The following ATIC variants were observed in gnomAD, a reference collection of about 807,000 sequenced individuals.
ATIC encodes 5-aminoimidazole-4-carboxamide ribonucleotide formyltransferase/IMP cyclohydrolase.
In ATIC, 64 loss-of-function variants were observed where a neutral mutation model predicts 72.5. The ratio of observed to expected loss-of-function variants is 0.88; its 90% CI spans 0.72 to 1.09. The LOEUF (loss-of-function observed/expected upper bound fraction) is 1.09. Ranked by LOEUF, ATIC falls within the 50% of genes least tolerant of loss-of-function variation. ATIC has a pLI of 0.00. For missense variants in ATIC, 787 were observed against 732.4 expected, an observed-to-expected ratio of 1.07 and a Z score of -0.86; for synonymous variants, 281 against 267.1, an observed-to-expected ratio of 1.05 and a Z score of -0.51.
At chr2:215,347,305 G>A in intron 14 of ATIC, 1 of 377,878 alleles carries the variant, frequency 2.6e-6, no homozygotes, top group Non-Finnish European at 5.1e-6. Context: ...GCTGTCCGAT[G>A]GGTCTGTATT....
At chr2:215,326,195 G>T in intron 6 of ATIC, 57 bp downstream of exon 6, 1 of 1,604,752 alleles carries the variant, frequency 6.2e-7, no homozygotes, top group South Asian at 1.1e-5. Flanking sequence ...GTGTTTGCCA[G>T]ACCAAGCAGT....
At chr2:215,313,910 C>G (rs965419842) in intron 2 of ATIC, among the ~76,000 whole-genome samples, 2 of 152,176 alleles carry the variant, frequency 1.3e-5, no homozygotes, top group Non-Finnish European at 2.9e-5. Flanking sequence ...AAGTCCAGAC[C>G]TGCGTGCTTT....
At chr2:215,352,449 G>T (rs1006685598), downstream of ATIC, among the ~76,000 whole-genome samples, 5 of 152,074 alleles carry the variant, frequency 3.3e-5, no homozygotes, top group Non-Finnish European at 5.9e-5. Context: ...AGGTGTGGTG[G>T]TGTCTGCCTG....
At chr2:215,321,175 A>G (rs1236489880) in intron 4 of ATIC, among the ~76,000 whole-genome samples, 5 of 152,184 alleles carry the variant, frequency 3.3e-5, no homozygotes, top group Non-Finnish European at 5.9e-5. Flanking sequence ...GCAACCACCA[A>G]TTGTTACGTG....
At position 215,346,310 on chromosome 2, in the gene ATIC, C is replaced by T. The variant is rs148648657; in HGVS notation, c.1321-449C>T. Among the ~76,000 whole-genome samples, 914 of 152,056 alleles carry T rather than the reference C, an allele frequency of 6.0e-3. 3 individuals carry two copies. The highest frequency in any genetic ancestry group is 9.3e-3 in the Non-Finnish European group (635 of 67,972). On this transcript the variant is annotated intron_variant, in intron 13 of 15. Transcript: ENST00000236959. ...CTGAGTAGCTGGGACTGCAGGTGTG[C>T]GCCACTACCCCTAGCTATTTTTTAA...
At chr2:215,338,992 T>C (rs1282558244) in intron 12 of ATIC, 85 bp downstream of exon 12, 1 of 1,575,738 alleles carries the variant, frequency 6.3e-7, no homozygotes, top group African/African-American at 1.3e-5. Context: ...TTTATTAAGG[T>C]CTGGATTTGG....
At chr2:215,358,597 A>G in the ATIC span, among the ~76,000 whole-genome samples, 12 of 152,238 alleles carry the variant, frequency 7.9e-5, no homozygotes, top group African/African-American at 1.9e-4. Flanking sequence ...ACAAAACTCT[A>G]TACTATGCTA....
rs768737323 is a variant in ATIC, at chr2:215,327,027, G to C, written c.688+49G>C. 5.0e-6 allele frequency: 8 copies of C among 1,611,176 alleles called. No individual in the cohort carries two copies. The South Asian group carries it at 6.6e-5, about 13-fold the overall frequency. ...ATGGTTTGCTGTGCCTGGAGAGTGT[G>C]TGTTTCTCTGTATTGCATCTGATGT... On this transcript the variant is annotated intron_variant, in intron 7 of 15. Coordinates refer to ENST00000236959, the MANE Select transcript of ATIC (RefSeq NM_004044.7).
Position 215,312,517 on chromosome 2 carries a change from C to G in ATIC, c.39C>G (p.Asp13Glu), listed in dbSNP as rs770911302. The G allele has an allele frequency of 1.2e-6, 2 of 1,614,202 alleles. No homozygotes were observed. Among genetic ancestry groups the G allele is most frequent in the South Asian group, 2.2e-5 (2 of 91,084 alleles). ...PGQLALFSVS[D>E]KTGLVEFARN... ...TTTCAGCCTTATTTAGTGTCTCTGA[C>G]AAAACCGGCCTTGTGGAATTTGCAA... The change falls in exon 2 of 16, where the codon GAC becomes GAG. Residue 13 changes from aspartate (D) to glutamate (E), a missense_variant. By Grantham distance (45) the Asp-to-Glu change is conservative. Coordinates refer to ENST00000236959, the MANE Select transcript of ATIC (RefSeq NM_004044.7).
chr2:215,342,164 C>T (rs1298392663), intron 12 of ATIC, among the ~76,000 whole-genome samples: 1 of 152,116 alleles, frequency 6.6e-6, no homozygotes, highest in Non-Finnish European at 1.5e-5. Flanking sequence ...ACAGCCAAAC[C>T]GTATCACCAA....
the ATIC span, chr2:215,363,760 T>TTCTA: frequency 6.6e-6 from 1 of 151,978 alleles, no homozygotes; most frequent in Non-Finnish European, 1.5e-5. Flanking sequence ...ATTCCATTGC[T>TTCTA]TTTGAGTTAC....
chr2:215,321,433 C>G (rs2052765893), intron 4 of ATIC, among the ~76,000 whole-genome samples: 2 of 152,178 alleles, frequency 1.3e-5, no homozygotes, highest in African/African-American at 4.8e-5. Context: ...AATAATGCAG[C>G]TATAAATATT....
At chr2:215,368,296 A>G in the ATIC span, among the ~76,000 whole-genome samples, 1 of 152,176 alleles carries the variant, frequency 6.6e-6, no homozygotes, top group African/African-American at 2.4e-5. Flanking sequence ...AAACTACTTC[A>G]TAGAACATGG....
At chr2:215,328,688 A>G (rs1353045139) in intron 7 of ATIC, among the ~76,000 whole-genome samples, 1 of 147,746 alleles carries the variant, frequency 6.8e-6, no homozygotes, top group Non-Finnish European at 1.5e-5. Flanking sequence ...ATCTGTTCAA[A>G]TTGTCTTCCC....
At chr2:215,354,302 T>C (rs546656364), downstream of ATIC, among the ~76,000 whole-genome samples, 1 of 152,338 alleles carries the variant, frequency 6.6e-6, no homozygotes, top group South Asian at 2.1e-4. Context: ...AGTGCTGGGA[T>C]TACAGGTGTG....
chr2:215,358,149 T>G, the ATIC span, among the ~76,000 whole-genome samples: 1 of 152,236 alleles, frequency 6.6e-6, no homozygotes, highest in Non-Finnish European at 1.5e-5. Context: ...TGTATAGTGA[T>G]GTTATTATAC....
chr2:215,328,349 A>G (rs2052852305), intron 7 of ATIC, among the ~76,000 whole-genome samples: 2 of 152,086 alleles, frequency 1.3e-5, no homozygotes, highest in African/African-American at 2.4e-5. Context: ...ACTTAAAGCC[A>G]TTCCTTGGCT....
chr2:215,361,723 T>C, the ATIC span: 2 of 1,050,618 alleles, frequency 1.9e-6, no homozygotes, highest in African/African-American at 1.6e-5. Context: ...GACAGCTGCT[T>C]ATAGATAGGA....
rs1038792809 is a variant in ATIC, at chr2:215,348,965, A to C, written c.1504-129A>C. On this transcript the variant is annotated intron_variant, in intron 14 of 15. Coordinates refer to ENST00000236959, the MANE Select transcript of ATIC (RefSeq NM_004044.7). The stretch of plus-strand genomic sequence containing the variant: ...GTGCAAAACTCCGTCTAAAAAAAAA[A>C]AAATAATAATAATAATAAAAACAAG... 5.0e-6 allele frequency: 4 copies of C among 796,564 alleles called. No individual in the cohort carries two copies. The African/African-American group carries it at 7.3e-5, about 14-fold the overall frequency. 49.3% of individuals were successfully genotyped at this position (796,564 alleles called of 1,614,324 possible).
Sources: allele counts gnomAD v4.1 joint callset (sites outside exome capture counted in the v4.1 genomes callset), GRCh38; gene constraint gnomAD v4.1.1; transcripts MANE v1.5; gene names NCBI Gene and HGNC (gene_info 2026-07-23, HGNC 2026-07-21).